The following RBFOX1 variants were observed in gnomAD, a reference collection of about 807,000 sequenced individuals.
The protein encoded by RBFOX1 is RNA binding protein fox-1 homolog 1.
In RBFOX1, 8 loss-of-function variants were observed where a neutral mutation model predicts 57.7. That is an observed-to-expected ratio of 0.14 (90% confidence interval 0.08 to 0.25). The LOEUF (loss-of-function observed/expected upper bound fraction) is 0.25. Among genes scored for constraint, RBFOX1 ranks in the 10% least tolerant of loss-of-function variants. The pLI, the probability that RBFOX1 is intolerant of heterozygous loss-of-function variation, is 1.00. For synonymous variants in RBFOX1, 326 were observed against 222.4 expected (o/e 1.47, Z -4.15); for missense variants, 611 against 548.5 (o/e 1.11, Z -1.14).
intron 5 of RBFOX1, among the ~76,000 whole-genome samples, chr16:7,537,782 C>T (rs1458624998): frequency 1.3e-5 from 2 of 152,186 alleles, no homozygotes; most frequent in African/African-American, 2.4e-5. Flanking sequence ...GCCTCCACCC[C>T]AGTGCAGATT....
At chr16:6,081,191 C>G (rs2095995976) in intron 1 of RBFOX1, among the ~76,000 whole-genome samples, 2 of 152,098 alleles carry the variant, frequency 1.3e-5, no homozygotes, top group South Asian at 4.1e-4. Flanking sequence ...GTTCCCGGGA[C>G]ACATTTAAAT....
intron 4 of RBFOX1, chr16:7,332,907 G>C (rs2144432864): frequency 1.3e-6 from 2 of 1,590,606 alleles, no homozygotes; most frequent in East Asian, 2.2e-5. Context: ...TTGGCTCCCA[G>C]CTTTGTAGTT....
Position 7,694,409 on chromosome 16 carries a change from A to AG in RBFOX1, c.996-14646dup, listed in dbSNP as rs562414127. On this transcript the variant is annotated intron_variant, in intron 14 of 15. Transcript: ENST00000550418. ...TGAATGAATGAAAGGAAGGACAGAG[A>AG]GCTAGGAACATGCACCCAACTATCT... Among the ~76,000 whole-genome samples the AG allele has an allele frequency of 5.9e-5, 9 of 152,322 alleles. 1 individual carries two copies. The South Asian group carries it at 1.9e-3, about 32-fold the overall frequency.
intron 3 of RBFOX1, among the ~76,000 whole-genome samples, chr16:6,857,523 C>G (rs1373923135): frequency 6.6e-6 from 1 of 152,136 alleles, no homozygotes; most frequent in African/African-American, 2.4e-5. Flanking sequence ...TTCAAAATTA[C>G]TATTTGGTCC....
In RBFOX1 at chr16:7,228,349, C is replaced by T. The variant is rs535729757; in HGVS notation, c.27+176251C>T. Among the ~76,000 whole-genome samples the T allele has an allele frequency of 2.8e-4, 43 of 152,250 alleles. No homozygotes were observed. The South Asian group carries it at 8.9e-3, about 32-fold the overall frequency. On this transcript the variant is annotated intron_variant, in intron 4 of 15. Coordinates refer to ENST00000550418, the MANE Select transcript of RBFOX1 (RefSeq NM_018723.4). ...AGGAAAATCAAGGGTTCCTTTTTAT[C>T]TTCTCCTACTACCCCCCGCTGTCAT... is the stretch of plus-strand genomic sequence containing the variant.
chr16:6,938,632 A>G (rs1243735418), intron 3 of RBFOX1, among the ~76,000 whole-genome samples: 1 of 151,948 alleles, frequency 6.6e-6, no homozygotes, highest in Non-Finnish European at 1.5e-5. Flanking sequence ...TTATAGGAGG[A>G]CAATCTAGGT....
intron 4 of RBFOX1, among the ~76,000 whole-genome samples, chr16:7,397,805 G>T (rs892347490): frequency 3.3e-5 from 5 of 151,958 alleles, no homozygotes; most frequent in Admixed American, 3.3e-4. Flanking sequence ...AAGAGTTCTG[G>T]GTTCAAGTCT....
intron 4 of RBFOX1, among the ~76,000 whole-genome samples, chr16:7,344,597 ATTAT>A (rs2145514135): frequency 1.3e-5 from 2 of 151,794 alleles, no homozygotes; most frequent in African/African-American, 4.8e-5. Context: ...AATAATAATT[ATTAT>A]TTCTACTCTT....
At chr16:7,656,271 G>A (rs1399305367) in intron 12 of RBFOX1, among the ~76,000 whole-genome samples, 1 of 152,170 alleles carries the variant, frequency 6.6e-6, no homozygotes, top group Non-Finnish European at 1.5e-5. Context: ...GTGTTTCACT[G>A]GATTACAGAC....
intron 3 of RBFOX1, among the ~76,000 whole-genome samples, chr16:6,808,810 A>G (rs982279954): frequency 3.3e-5 from 5 of 152,146 alleles, no homozygotes; most frequent in Non-Finnish European, 7.3e-5. Flanking sequence ...CATAACATAC[A>G]ATATCTCTAA....
intron 2 of RBFOX1, among the ~76,000 whole-genome samples, chr16:6,551,111 T>A (rs976272859): frequency 6.6e-6 from 1 of 152,192 alleles, no homozygotes; most frequent in African/African-American, 2.4e-5. Context: ...CGTTTTGGGT[T>A]ACAGAGCTCA....
chr16:6,432,733 A>C (rs1027355986), intron 2 of RBFOX1, among the ~76,000 whole-genome samples: 33 of 152,102 alleles, frequency 2.2e-4, no homozygotes, highest in African/African-American at 7.7e-4. Flanking sequence ...TAATCCCAGC[A>C]CTTTAGAAGG....
intron 1 of RBFOX1, among the ~76,000 whole-genome samples, chr16:6,238,074 G>T (rs1341061518): frequency 2.5e-5 from 3 of 120,556 alleles, no homozygotes; most frequent in South Asian, 5.5e-4. Flanking sequence ...CTGGGTGACA[G>T]AATGAGACTC....
chr16:7,032,932 G>C (rs1274911945), intron 3 of RBFOX1, among the ~76,000 whole-genome samples: 2 of 152,166 alleles, frequency 1.3e-5, no homozygotes, highest in Non-Finnish European at 1.5e-5. Context: ...TTCCTGGCTG[G>C]TGGGAGAACA....
intron 1 of RBFOX1, among the ~76,000 whole-genome samples, chr16:6,043,583 G>A (rs2095464893): frequency 6.6e-6 from 1 of 152,162 alleles, no homozygotes; most frequent in South Asian, 2.1e-4. Context: ...AAGGAGGTGT[G>A]TCTGACCTCC....
chr16:6,813,575 A>G (rs2089307642), intron 3 of RBFOX1, among the ~76,000 whole-genome samples: 3 of 152,090 alleles, frequency 2.0e-5, no homozygotes, highest in Non-Finnish European at 2.9e-5. Flanking sequence ...TGTCTCTTTC[A>G]TCTTCTGCAT....
At chr16:5,917,517 A>C (rs2152221661) in intron 4 of RBFOX1, among the ~76,000 whole-genome samples, 1 of 152,322 alleles carries the variant, frequency 6.6e-6, no homozygotes. Flanking sequence ...GAAGACGGGA[A>C]TTCCCAGGTT....
intron 3 of RBFOX1, among the ~76,000 whole-genome samples, chr16:6,855,095 G>A (rs974314205): frequency 6.6e-6 from 1 of 152,058 alleles, no homozygotes; most frequent in Non-Finnish European, 1.5e-5. Flanking sequence ...CAGAAGAGAA[G>A]GATGCTATGT....
chr16:5,505,991 CAGTT>C, intron 2 of RBFOX1, among the ~76,000 whole-genome samples: 1 of 152,238 alleles, frequency 6.6e-6, no homozygotes. Flanking sequence ...GTGTGTATAT[CAGTT>C]AGGGAAGGAG....
Sources: allele counts gnomAD v4.1 joint callset (sites outside exome capture counted in the v4.1 genomes callset), GRCh38; gene constraint gnomAD v4.1.1; transcripts MANE v1.5; gene names NCBI Gene and HGNC (gene_info 2026-07-23, HGNC 2026-07-21).